The following RMDN2 variants were observed in gnomAD, a reference collection of about 807,000 sequenced individuals.
RMDN2 encodes the protein regulator of microtubule dynamics 2, also known as regulator of microtubule dynamics protein 2.
A neutral mutation model predicts 52.8 loss-of-function variants in RMDN2; 61 were observed. That is an observed-to-expected ratio of 1.16 (90% confidence interval 0.94 to 1.43). The LOEUF (loss-of-function observed/expected upper bound fraction) is 1.43. RMDN2 is among the 40% of genes most tolerant of loss of function. The probability of loss-of-function intolerance (pLI) is 0.00; values close to 1 mark genes in which losing one functional copy is unlikely to be tolerated. For synonymous variants in RMDN2, 180 were observed against 153.1 expected (o/e 1.18, Z -1.30); for missense variants, 592 against 475.3 (o/e 1.25, Z -2.28).
intron 6 of RMDN2, 29 bp from the exon 7 acceptor site, chr2:37,991,191 G>A (rs934221293): frequency 1.5e-6 from 2 of 1,336,300 alleles, no homozygotes; most frequent in African/African-American, 1.5e-5. Context: ...AAACTTGGGA[G>A]ATGATTTTCC....
chr2:37,952,005 A>T, intron 2 of RMDN2: 1 of 1,613,108 alleles, frequency 6.2e-7, no homozygotes, highest in South Asian at 1.1e-5. Context: ...TTCTCCAATC[A>T]TGATTCCACA....
At chr2:37,935,787 G>GTA (rs1221556573) in intron 2 of RMDN2, among the ~76,000 whole-genome samples, 1 of 151,960 alleles carries the variant, frequency 6.6e-6, no homozygotes, top group Non-Finnish European at 1.5e-5. Context: ...ATATTGATAT[G>GTA]TATATATATA....
chr2:37,951,306 G>A (rs747245303), intron 2 of RMDN2: 2 of 1,612,576 alleles, frequency 1.2e-6, no homozygotes, highest in Non-Finnish European at 1.7e-6. Flanking sequence ...CCAGCATCGT[G>A]GAGCCTCTTC....
chr2:37,924,475 C>T (rs1666126948), upstream of RMDN2, among the ~76,000 whole-genome samples: 1 of 152,244 alleles, frequency 6.6e-6, no homozygotes, highest in African/African-American at 2.4e-5. Flanking sequence ...AACGATTCTC[C>T]TGCCTCATCC....
In RMDN2 at chr2:37,993,022, C is replaced by G. The variant is rs540811081; in HGVS notation, c.945+1725C>G. ...CTCCACCTTCTGGGTTCAAGTGATT[C>G]TCTTGACTCAGCCTCCCGAGTAGCT... On this transcript the variant is annotated intron_variant, in intron 7 of 10. Transcript: ENST00000354545. Among the ~76,000 whole-genome samples the G allele has an allele frequency of 2.6e-5, 4 of 152,200 alleles. No individual in the cohort carries two copies. The South Asian group carries it at 8.3e-4, about 32-fold the overall frequency.
At chr2:37,923,807 T>C (rs959974152), upstream of RMDN2, among the ~76,000 whole-genome samples, 5 of 152,238 alleles carry the variant, frequency 3.3e-5, no homozygotes, top group African/African-American at 9.6e-5. Flanking sequence ...TGGTGAGCAG[T>C]GGCCCGATCT....
At chr2:38,008,554 G>C (rs1398190999) in intron 10 of RMDN2, among the ~76,000 whole-genome samples, 1 of 151,992 alleles carries the variant, frequency 6.6e-6, no homozygotes, top group Non-Finnish European at 1.5e-5. Context: ...TTTTCCATTT[G>C]CTTGGTAGAT....
chr2:37,943,746 A>C (rs1008808740), intron 2 of RMDN2, among the ~76,000 whole-genome samples: 1 of 152,182 alleles, frequency 6.6e-6, no homozygotes, highest in African/African-American at 2.4e-5. Context: ...ACTGCAGTTA[A>C]ACTCCTCCCC....
intron 10 of RMDN2, among the ~76,000 whole-genome samples, chr2:38,041,448 G>A (rs536770875): frequency 1.1e-3 from 82 of 76,120 alleles, no homozygotes; most frequent in African/African-American, 4.1e-3. Flanking sequence ...TTTTTTGGAC[G>A]TTTTGTACTA....
chr2:38,054,567 C>T (rs1681773852), intron 10 of RMDN2, among the ~76,000 whole-genome samples: 1 of 152,206 alleles, frequency 6.6e-6, no homozygotes, highest in Non-Finnish European at 1.5e-5. Flanking sequence ...TAGAGTCTTA[C>T]ATCACAAGAT....
chr2:37,999,659 A>G (rs1348405284), intron 8 of RMDN2, among the ~76,000 whole-genome samples: 2 of 152,084 alleles, frequency 1.3e-5, no homozygotes, highest in African/African-American at 4.8e-5. Flanking sequence ...TGAAAGGGAA[A>G]CAGCACAGAC....
intron 10 of RMDN2, among the ~76,000 whole-genome samples, chr2:38,011,220 G>C (rs1481335781): frequency 6.6e-6 from 1 of 152,166 alleles, no homozygotes; most frequent in Admixed American, 6.5e-5. Flanking sequence ...GTAATAACAT[G>C]TTCTTGGTTT....
downstream of RMDN2, among the ~76,000 whole-genome samples, chr2:38,019,560 A>G (rs1679183097): frequency 6.6e-6 from 1 of 152,188 alleles, no homozygotes; most frequent in South Asian, 2.1e-4. Context: ...GTATTAACAA[A>G]GGGAATTCCC....
At chr2:37,939,455 T>C (rs546264727) in intron 2 of RMDN2, among the ~76,000 whole-genome samples, 154 of 152,316 alleles carry the variant, frequency 1.0e-3, no homozygotes, top group African/African-American at 3.5e-3. Flanking sequence ...TTGTTAATTT[T>C]CTGTCTCGTT....
At chr2:38,055,305 GA>G (rs371361766) in intron 10 of RMDN2, among the ~76,000 whole-genome samples, 67 of 149,328 alleles carry the variant, frequency 4.5e-4, no homozygotes, top group African/African-American at 1.4e-3. Context: ...GATCCTATGG[GA>G]AAAAAAAACA....
upstream of RMDN2, among the ~76,000 whole-genome samples, chr2:37,923,930 A>G (rs1480064220): frequency 2.6e-5 from 4 of 152,138 alleles, no homozygotes; most frequent in East Asian, 5.8e-4. Context: ...TTGTATTTTT[A>G]GTAGAGATGG....
chr2:38,014,567 C>T (rs17412098), intron 10 of RMDN2, among the ~76,000 whole-genome samples: 24,304 of 152,092 alleles, frequency 0.16, 2,043 homozygotes, highest in African/African-American at 0.18. Flanking sequence ...GTGATAGTCA[C>T]TACCCAAATG....
intron 7 of RMDN2, among the ~76,000 whole-genome samples, chr2:37,995,620 G>T (rs114072644): frequency 0.012 from 1,897 of 152,194 alleles, 44 homozygotes; most frequent in African/African-American, 0.044. Flanking sequence ...TAAAACATTG[G>T]AGCCTCACAT....
intron 7 of RMDN2, among the ~76,000 whole-genome samples, chr2:37,992,264 T>C (rs965646680): frequency 6.6e-6 from 1 of 152,220 alleles, no homozygotes; most frequent in African/African-American, 2.4e-5. Flanking sequence ...AAATTTATGC[T>C]CTTTATATTG....
Sources: gnomAD v4.1 joint callset for allele counts (sites outside exome capture counted in the v4.1 genomes callset) on GRCh38, gnomAD v4.1.1 for gene constraint, MANE v1.5 for transcripts, NCBI Gene and HGNC (gene_info 2026-07-23, HGNC 2026-07-21) for gene names.